The following SLC16A7 variants were observed in gnomAD, a reference collection of about 807,000 sequenced individuals.
The protein encoded by SLC16A7 is solute carrier family 16 member 7.
A neutral mutation model predicts 34.9 loss-of-function variants in SLC16A7; 33 were observed. That is an observed-to-expected ratio of 0.94 (90% CI 0.72 to 1.26). The LOEUF is 1.26. Ranked by LOEUF, SLC16A7 falls within the 50% of genes most tolerant of loss-of-function variation. The pLI is 0.00. For synonymous variants in SLC16A7, 201 were observed against 206.6 expected (o/e 0.97, Z 0.23); for missense variants, 573 against 578.1 (o/e 0.99, Z 0.09).
intron 3 of SLC16A7, among the ~76,000 whole-genome samples, chr12:59,716,350 A>T (rs933679581): frequency 1.3e-5 from 2 of 152,098 alleles, no homozygotes; most frequent in African/African-American, 4.8e-5. Context: ...TAGAACTCCG[A>T]TCTACGTCAG....
At chr12:59,649,581 T>G (rs1380248290) in intron 1 of SLC16A7, among the ~76,000 whole-genome samples, 2 of 152,140 alleles carry the variant, frequency 1.3e-5, no homozygotes, top group Non-Finnish European at 2.9e-5. Flanking sequence ...GTTGGTCAGA[T>G]CAGTGGAAGA....
chr12:59,716,829 G>T (rs893553890), intron 3 of SLC16A7, among the ~76,000 whole-genome samples: 1 of 152,138 alleles, frequency 6.6e-6, no homozygotes, highest in Non-Finnish European at 1.5e-5. Context: ...CTGGACAACA[G>T]AGCAAGACTC....
chr12:59,697,015 C>T (rs976633048), intron 2 of SLC16A7, among the ~76,000 whole-genome samples: 2 of 151,730 alleles, frequency 1.3e-5, no homozygotes, highest in African/African-American at 4.8e-5. Context: ...AGAAAAAACG[C>T]TTAATCATAT....
chr12:59,733,707 G>A (rs777430717), intron 3 of SLC16A7: 24 of 455,860 alleles, frequency 5.3e-5, no homozygotes, highest in East Asian at 1.4e-4. Flanking sequence ...TTTCAGTCCC[G>A]CCATTCAGCA....
chr12:59,614,708 G>T (rs1879357080), intron 1 of SLC16A7, among the ~76,000 whole-genome samples: 1 of 150,976 alleles, frequency 6.6e-6, no homozygotes, highest in Non-Finnish European at 1.5e-5. Context: ...GATCCAGCCG[G>T]GCATGGTGGC....
intron 3 of SLC16A7, among the ~76,000 whole-genome samples, chr12:59,753,793 C>G (rs181464202): frequency 5.2e-4 from 79 of 152,272 alleles, no homozygotes; most frequent in South Asian, 1.0e-3. Flanking sequence ...CCCAAATCAA[C>G]AGAATATACA....
chr12:59,752,204 T>A (rs1323023745), intron 3 of SLC16A7, among the ~76,000 whole-genome samples: 2 of 152,048 alleles, frequency 1.3e-5, no homozygotes, highest in South Asian at 4.2e-4. Context: ...GCACCTCTCC[T>A]CCTCCAAAGG....
At position 59,708,230 on chromosome 12, in the gene SLC16A7, C is replaced by T. The variant is rs144973252; in HGVS notation, c.217+3212C>T. ...TGTTACTCACATTGCAGTCTTTCTT[C>T]AACTGTGGTCTACAGAATGCTTAGC... On this transcript the variant is annotated intron_variant, in intron 3 of 5. Transcript: ENST00000547379. Among the ~76,000 whole-genome samples, 216 of 152,126 alleles carry T rather than the reference C, an allele frequency of 1.4e-3. 1 individual carries two copies. Among genetic ancestry groups the T allele is most frequent in the Middle Eastern group, 6.8e-3 (2 of 294 alleles).
intron 3 of SLC16A7, among the ~76,000 whole-genome samples, chr12:59,713,898 C>T (rs187145757): frequency 3.5e-4 from 53 of 152,294 alleles, no homozygotes; most frequent in Non-Finnish European, 2.4e-4. Flanking sequence ...AAAACCACAG[C>T]GAGCCAACAG....
intron 3 of SLC16A7, among the ~76,000 whole-genome samples, chr12:59,751,398 C>A (rs1036423473): frequency 6.6e-6 from 1 of 152,228 alleles, no homozygotes; most frequent in Non-Finnish European, 1.5e-5. Context: ...TCACTCCCAC[C>A]CCAATACTGC....
At chr12:59,703,683 C>T (rs567696217) in intron 2 of SLC16A7, among the ~76,000 whole-genome samples, 2 of 152,150 alleles carry the variant, frequency 1.3e-5, no homozygotes, top group African/African-American at 4.8e-5. Flanking sequence ...TCCATCAGAG[C>T]TCACTGCAGC....
intron 3 of SLC16A7, among the ~76,000 whole-genome samples, chr12:59,751,800 T>A (rs775778778): frequency 6.6e-6 from 1 of 152,172 alleles, no homozygotes; most frequent in Non-Finnish European, 1.5e-5. Context: ...GCAGACTGCC[T>A]CCTCAAGTGG....
intron 1 of SLC16A7, among the ~76,000 whole-genome samples, chr12:59,621,458 G>A (rs1304358034): frequency 2.0e-5 from 3 of 151,740 alleles, no homozygotes; most frequent in Non-Finnish European, 4.4e-5. Flanking sequence ...CTAATTATTA[G>A]TAGTCATTGT....
Position 59,621,502 on chromosome 12 carries a change from G to A in SLC16A7, c.-130+25266G>A, listed in dbSNP as rs144594200. 4.6e-5 allele frequency among the ~76,000 whole-genome samples: 7 copies of A among 151,898 alleles called. No homozygotes were observed. In the South Asian group the frequency reaches 1.0e-3, roughly 23 times the overall value. On this transcript the variant is annotated intron_variant, in intron 1 of 5. Coordinates refer to ENST00000547379, the MANE Select transcript of SLC16A7 (RefSeq NM_001270623.2). The stretch of plus-strand genomic sequence containing the variant: ...TCCTAATATTTAATCTGATTTGAAT[G>A]CCTTACTTCTCTGTGCACCATTTAA...
chr12:59,752,812 C>A (rs1340096366), intron 3 of SLC16A7, among the ~76,000 whole-genome samples: 1 of 152,040 alleles, frequency 6.6e-6, no homozygotes, highest in African/African-American at 2.4e-5. Context: ...GTCAGATTCA[C>A]CAAAGTTGAA....
At chr12:59,611,889 C>CA (rs1379113562) in intron 1 of SLC16A7, among the ~76,000 whole-genome samples, 1 of 152,228 alleles carries the variant, frequency 6.6e-6, no homozygotes, top group African/African-American at 2.4e-5. Flanking sequence ...AACATGGTCA[C>CA]ATATGGCCTT....
intron 2 of SLC16A7, among the ~76,000 whole-genome samples, chr12:59,668,490 C>T (rs1198209544): frequency 6.6e-6 from 1 of 152,078 alleles, no homozygotes; most frequent in Non-Finnish European, 1.5e-5. Flanking sequence ...AGCCTGTAGT[C>T]CCTTTATTTT....
intron 3 of SLC16A7, among the ~76,000 whole-genome samples, chr12:59,742,834 C>T (rs951654117): frequency 2.0e-5 from 3 of 152,132 alleles, no homozygotes; most frequent in African/African-American, 7.2e-5. Flanking sequence ...GCATGTTTTT[C>T]CTCTCTGTAT....
chr12:59,760,272 G>A (rs11173134), intron 3 of SLC16A7, among the ~76,000 whole-genome samples: 3 of 151,936 alleles, frequency 2.0e-5, no homozygotes, highest in African/African-American at 4.8e-5. Flanking sequence ...TATGAATGTT[G>A]TCTTACCTTT....
Sources: allele counts gnomAD v4.1 joint callset (sites outside exome capture counted in the v4.1 genomes callset), GRCh38; gene constraint gnomAD v4.1.1; transcripts MANE v1.5; gene names NCBI Gene and HGNC (gene_info 2026-07-23, HGNC 2026-07-21).